POMT2: variants seen among roughly 807,000 people sequenced by gnomAD.
POMT2 encodes protein O-mannosyltransferase 2.
In POMT2, 75 loss-of-function variants were observed where a neutral mutation model predicts 100.0. That is an observed-to-expected ratio of 0.75 (90% CI 0.62 to 0.91). The LOEUF is 0.91. POMT2 is among the 40% of genes least tolerant of loss of function. The pLI is 0.00. For missense variants in POMT2, 940 were observed against 955.1 expected (o/e 0.98, Z 0.21); for synonymous variants, 378 against 374.1 (o/e 1.01, Z -0.12).
Position 77,280,090 on chromosome 14 carries a change from A to G in POMT2, c.1726-10T>C, listed in dbSNP as rs1295693352. 1 of 1,613,806 alleles carries G rather than the reference A, an allele frequency of 6.2e-7. No individual in the cohort carries two copies. Among genetic ancestry groups the G allele is most frequent in the South Asian group, 1.1e-5 (1 of 91,078 alleles). On this transcript the variant is annotated splice_polypyrimidine_tract_variant and intron_variant, in intron 16 of 20. Coordinates refer to ENST00000261534, the MANE Select transcript of POMT2 (RefSeq NM_013382.7). ...CTGAGAAGCGTAGGCCCTGTGGAAT[A>G]GAGACCACCCTGCTGACCCAGGCCC...
In POMT2 at chr14:77,285,595, T is replaced by C; in HGVS notation, c.1370A>G (p.Glu457Gly). 1 of 1,613,236 alleles carries C rather than the reference T, an allele frequency of 6.2e-7. No homozygotes were observed. The highest frequency in any genetic ancestry group is 8.5e-7 in the Non-Finnish European group (1 of 1,179,252). ...TGDSNDFWRI[E>G]VVNRKFGNRI... Reference sequence around the variant, plus strand: ...GTTTCCAAATTTCCTGTTTACGACCTCAATCCGCCAGAAATCATTTGAGTC... The same window carrying C: ...GTTTCCAAATTTCCTGTTTACGACCCCAATCCGCCAGAAATCATTTGAGTC... Residue 457 changes from glutamate (E) to glycine (G), a missense_variant, in exon 13 of 21, where the codon GAG (glutamate) becomes GGG (glycine). Glu to Gly is a moderately conservative substitution (Grantham distance 98). Coordinates refer to ENST00000261534, the MANE Select transcript of POMT2 (RefSeq NM_013382.7).
In POMT2 at chr14:77,299,312, T is replaced by C. The variant is rs186258894; in HGVS notation, c.923+143A>G. 1.1e-4 allele frequency: 81 copies of C among 745,202 alleles called. No individual in the cohort carries two copies. The African/African-American group carries it at 1.2e-3, about 11-fold the overall frequency. 46.2% of individuals were successfully genotyped at this position (745,202 alleles called of 1,614,324 possible). On this transcript the variant is annotated intron_variant, in intron 7 of 20. Coordinates refer to ENST00000261534, the MANE Select transcript of POMT2 (RefSeq NM_013382.7). ...TAGCATATACCCAAAGGATAGAACA[T>C]AGCAGGAAAGAAACAGGAAAAAGCC...
At chr14:77,306,685 C>T (rs1891241791) in intron 2 of POMT2, 2 of 422,544 alleles carry the variant, frequency 4.7e-6, no homozygotes, top group Admixed American at 7.0e-5. Flanking sequence ...AACAGCACAA[C>T]CTAAACACTC....
At chr14:77,301,492 C>T (rs1891041040) in intron 5 of POMT2, among the ~76,000 whole-genome samples, 1 of 152,154 alleles carries the variant, frequency 6.6e-6, no homozygotes, top group Admixed American at 6.5e-5. Context: ...GTCCATAGTG[C>T]TCCTGGCTAA....
intron 9 of POMT2, among the ~76,000 whole-genome samples, chr14:77,295,274 T>C (rs1048781426): frequency 6.6e-6 from 1 of 152,170 alleles, no homozygotes; most frequent in Non-Finnish European, 1.5e-5. Flanking sequence ...CACATTGTTA[T>C]CTCATTTAAT....
At chr14:77,302,974 C>T (rs767433358) in intron 4 of POMT2, 31 bp from the exon 5 acceptor site, 27 of 1,554,100 alleles carry the variant, frequency 1.7e-5, no homozygotes, top group Non-Finnish European at 2.4e-5. Context: ...GGTGAAAAAG[C>T]GAGGTAAGAG....
intron 16 of POMT2, 103 bp downstream of exon 16, chr14:77,280,289 C>A (rs1007303821): frequency 1.3e-6 from 2 of 1,577,306 alleles, no homozygotes; most frequent in Admixed American, 3.7e-5. Flanking sequence ...CCCAGGAGGC[C>A]CCTCGCCCTG....
intron 1 of POMT2, among the ~76,000 whole-genome samples, chr14:77,317,189 G>A (rs779619017): frequency 2.0e-5 from 3 of 152,218 alleles, no homozygotes; most frequent in Admixed American, 2.0e-4. Context: ...TGCTTGTCTT[G>A]CAGTAAAGGA....
Position 77,299,512 on chromosome 14 carries a change from A to G in POMT2, c.866T>C (p.Leu289Pro). 6.2e-7 allele frequency: 1 copy of G among 1,614,206 alleles called. No homozygotes were observed. Among genetic ancestry groups the G allele is most frequent in the Non-Finnish European group, 8.5e-7 (1 of 1,180,022 alleles). Reference sequence around the variant, plus strand: ...GGTGGCTGTATAGAGAGCCAGGGGCAGCACTATGAGGCACAGGACACGAGC... The same window carrying G: ...GGTGGCTGTATAGAGAGCCAGGGGCGGCACTATGAGGCACAGGACACGAGC... Reference protein sequence around the residue: ...LTARVLCLIVLPLALYTATFA... With the variant: ...LTARVLCLIVPPLALYTATFA... The change falls in exon 7 of 21, where the codon CTG becomes CCG. Residue 289 changes from leucine to proline, a missense_variant. Leu to Pro is a moderately conservative substitution (Grantham distance 98, BLOSUM62 -3). Coordinates refer to ENST00000261534, the MANE Select transcript of POMT2 (RefSeq NM_013382.7).
chr14:77,296,488 CAGA>C, intron 8 of POMT2: 1 of 580,184 alleles, frequency 1.7e-6, no homozygotes, highest in Non-Finnish European at 3.1e-6. Flanking sequence ...CTGAGGGCTT[CAGA>C]AGAAGCTTGT....
intron 15 of POMT2, among the ~76,000 whole-genome samples, chr14:77,282,455 T>A (rs1220297301): frequency 2.6e-5 from 4 of 152,180 alleles, no homozygotes; most frequent in Non-Finnish European, 5.9e-5. Context: ...CTCTCTCCCC[T>A]CCCTGACTCT....
intron 3 of POMT2, among the ~76,000 whole-genome samples, chr14:77,305,992 C>A (rs1259937625): frequency 6.6e-6 from 1 of 152,212 alleles, no homozygotes; most frequent in Admixed American, 6.5e-5. Flanking sequence ...CGTGCCAGTG[C>A]ATGGAGGCAC....
intron 1 of POMT2, 23 bp downstream of exon 1, chr14:77,320,411 G>T (rs1231497423): frequency 1.9e-6 from 3 of 1,545,508 alleles, no homozygotes; most frequent in Admixed American, 2.0e-5. Context: ...CATGGTGCCC[G>T]CCGAGTCCCT....
At chr14:77,295,557 G>A (rs1000357198) in intron 9 of POMT2, among the ~76,000 whole-genome samples, 3 of 151,306 alleles carry the variant, frequency 2.0e-5, no homozygotes, top group Non-Finnish European at 4.4e-5. Context: ...GCGTGAACCC[G>A]GGAGGCGGAG....
At position 77,275,087 on chromosome 14, in the gene POMT2, A is replaced by C. The variant is rs371953804; in HGVS notation, c.*2289T>G. 4 of 152,238 alleles carry C rather than the reference A, an allele frequency of 2.6e-5. No individual in the cohort carries two copies. In the East Asian group the frequency reaches 5.8e-4, roughly 22 times the overall value. 9.4% of individuals were successfully genotyped at this position (152,238 alleles called of 1,614,324 possible). On this transcript the variant is annotated 3_prime_UTR_variant, in exon 21 of 21. Transcript: ENST00000261534. ...ACGAACATCTTCTTCCTCCACCAGC[A>C]GTTTGTGGGACACATCACGTTTCTG...
intron 3 of POMT2, 29 bp downstream of exon 3, chr14:77,306,308 T>G (rs1250920231): frequency 2.5e-6 from 4 of 1,609,486 alleles, no homozygotes; most frequent in Non-Finnish European, 3.4e-6. Flanking sequence ...CAGGGTTCAG[T>G]CAGTCCATTT....
chr14:77,305,089 C>G (rs1464785012), intron 3 of POMT2, among the ~76,000 whole-genome samples: 1 of 152,100 alleles, frequency 6.6e-6, no homozygotes, highest in African/African-American at 2.4e-5. Flanking sequence ...AACCAAGTAG[C>G]TACACACCAG....
At chr14:77,312,255 T>C (rs1488513109) in intron 1 of POMT2, 4 of 603,290 alleles carry the variant, frequency 6.6e-6, no homozygotes, top group Non-Finnish European at 8.0e-6. Context: ...GAGCAAATAT[T>C]CACTAGCCAG....
Position 77,277,086 on chromosome 14 carries a change from G to A in POMT2, c.*290C>T, listed in dbSNP as rs1889989246. The A allele has an allele frequency of 8.4e-6, 4 of 475,494 alleles. No individual in the cohort carries two copies. Among genetic ancestry groups the A allele is most frequent in the South Asian group, 2.2e-5 (1 of 46,332 alleles). 29.5% of individuals were successfully genotyped at this position (475,494 alleles called of 1,614,324 possible). On this transcript the variant is annotated 3_prime_UTR_variant, in exon 21 of 21. Coordinates refer to ENST00000261534, the MANE Select transcript of POMT2 (RefSeq NM_013382.7). ...ACAACATGCCCTCACATACACACAC[G>A]CGCACCCACTCCCACCCTCTGGCAC...
Sources: allele counts gnomAD v4.1 joint callset (sites outside exome capture counted in the v4.1 genomes callset), GRCh38; gene constraint gnomAD v4.1.1; transcripts MANE v1.5; gene names NCBI Gene and HGNC (gene_info 2026-07-23, HGNC 2026-07-21).